GSDME: variants seen among roughly 807,000 people sequenced by gnomAD.
GSDME encodes gasdermin E.
Under a neutral mutation model 47.5 loss-of-function variants are expected in GSDME, and 44 were observed. That is an observed-to-expected ratio of 0.93 (90% CI 0.73 to 1.19). The LOEUF (loss-of-function observed/expected upper bound fraction) is 1.19. Among genes scored for constraint, GSDME ranks in the 50% most tolerant of loss-of-function variants. GSDME has a pLI of 0.00. For missense variants in GSDME, 663 were observed against 604.2 expected, an observed-to-expected ratio of 1.10 and a Z score of -1.02; for synonymous variants, 258 against 252.8, an observed-to-expected ratio of 1.02 and a Z score of -0.20.
intron 9 of GSDME, chr7:24,702,478 T>A (rs1010528368): frequency 5.3e-6 from 2 of 377,184 alleles, no homozygotes; most frequent in African/African-American, 4.2e-5. Context: ...GCCAAAATTC[T>A]CTCCAAACAA....
In GSDME at chr7:24,748,362, G is replaced by A. The variant is rs150832619; in HGVS notation, c.211+1202C>T. Among the ~76,000 whole-genome samples the A allele has an allele frequency of 4.8e-3, 721 of 151,682 alleles. 11 individuals are homozygous for A. Among genetic ancestry groups the A allele is most frequent in the African/African-American group, 0.017 (686 of 41,352 alleles). On this transcript the variant is annotated intron_variant, in intron 2 of 9. Coordinates refer to ENST00000645220, the MANE Select transcript of GSDME (RefSeq NM_001127453.2). ...TTTAGTAGAGATGGGGTTTCACCATGTTGGCCAGGCTGGTCTTGAACTCCT... is the reference window on the plus strand; with the variant it reads ...TTTAGTAGAGATGGGGTTTCACCATATTGGCCAGGCTGGTCTTGAACTCCT...
intron 3 of GSDME, among the ~76,000 whole-genome samples, chr7:24,729,948 C>G (rs1790090963): frequency 6.6e-6 from 1 of 152,194 alleles, no homozygotes. Context: ...CCCAGAGAAA[C>G]TGTCATGAGA....
chr7:24,729,483 G>A (rs534861944), intron 3 of GSDME, among the ~76,000 whole-genome samples: 33 of 152,348 alleles, frequency 2.2e-4, no homozygotes, highest in African/African-American at 5.8e-4. Context: ...GGCAACTTCC[G>A]ACACACTTGA....
chr7:24,748,160 A>AT (rs1173867790), intron 2 of GSDME, among the ~76,000 whole-genome samples: 90 of 96,978 alleles, frequency 9.3e-4, no homozygotes, highest in African/African-American at 4.7e-3. Flanking sequence ...ATATATATAT[A>AT]TATATATATT....
chr7:24,738,063 G>T (rs756301866), intron 3 of GSDME, among the ~76,000 whole-genome samples: 4 of 152,112 alleles, frequency 2.6e-5, no homozygotes, highest in Non-Finnish European at 4.4e-5. Context: ...CTAGGATCTG[G>T]AACACAACAA....
At chr7:24,767,184 C>T in the GSDME span, among the ~76,000 whole-genome samples, 1 of 152,020 alleles carries the variant, frequency 6.6e-6, no homozygotes, top group African/African-American at 2.4e-5. This position sits in a 1 kb window ranked among gnomAD's most constrained non-coding sequence, Gnocchi z 5.3. Context: ...ATTAGCCAGG[C>T]GTGGTGGTGG....
chr7:24,754,269 C>T lies in GSDME; in HGVS notation c.-20+3127G>A, dbSNP rs1469463837. 6.6e-6 allele frequency among the ~76,000 whole-genome samples: 1 copy of T among 152,122 alleles called. No homozygotes were observed. The highest frequency in any genetic ancestry group is 2.4e-5 in the African/African-American group (1 of 41,428). The stretch of plus-strand genomic sequence containing the variant: ...TGGGAGGCCGAGGTGGGGCGGATCA[C>T]CTAGGTCAGGAGTTTGAAACCAGCC... On this transcript the variant is annotated intron_variant, in intron 1 of 9. Transcript: ENST00000645220. The surrounding 1 kb of genome is among the most constrained non-coding windows in gnomAD (Gnocchi z 5.0).
intron 8 of GSDME, 142 bp downstream of exon 8, chr7:24,706,042 T>TAC: frequency 1.9e-6 from 2 of 1,070,044 alleles, no homozygotes; most frequent in East Asian, 5.2e-5. Context: ...TCCCACCTCT[T>TAC]ACCCTCCCTG....
the GSDME span, among the ~76,000 whole-genome samples, chr7:24,794,155 CTT>C: frequency 1.3e-5 from 2 of 150,450 alleles, no homozygotes; most frequent in African/African-American, 4.9e-5. Flanking sequence ...CTCTTTCTCT[CTT>C]TGACTTCCTT....
chr7:24,729,892 G>A (rs1790088927), intron 3 of GSDME, among the ~76,000 whole-genome samples: 1 of 152,238 alleles, frequency 6.6e-6, no homozygotes, highest in South Asian at 2.1e-4. Flanking sequence ...TGGAAGGGGA[G>A]AGACGAGAAC....
In GSDME at chr7:24,743,088, G is replaced by A. The variant is rs17150044; in HGVS notation, c.404+1474C>T. On this transcript the variant is annotated intron_variant, in intron 3 of 9. Coordinates refer to ENST00000645220, the MANE Select transcript of GSDME (RefSeq NM_001127453.2). ...CGTAGGCAGTAAACGCACAGCCATG[G>A]TCCTTCAGTTCCAGTAAGCATGGGC... Among the ~76,000 whole-genome samples, 147 of 152,308 alleles carry A rather than the reference G, an allele frequency of 9.7e-4. 2 individuals carry two copies. In the East Asian group the frequency reaches 0.027, roughly 28 times the overall value.
chr7:24,708,327 T>C, intron 6 of GSDME, 73 bp from the exon 7 acceptor site: 2 of 1,555,264 alleles, frequency 1.3e-6, no homozygotes, highest in Non-Finnish European at 1.8e-6. Context: ...CAACTCCTGC[T>C]TTTTATACCT....
chr7:24,728,384 ATG>A lies in GSDME; in HGVS notation c.405-9168_405-9167del, dbSNP rs1790039523. Among the ~76,000 whole-genome samples, 1 of 152,204 alleles carries A rather than the reference ATG, an allele frequency of 6.6e-6. No homozygotes were observed. The highest frequency in any genetic ancestry group is 1.5e-5 in the Non-Finnish European group (1 of 68,036). On this transcript the variant is annotated intron_variant, in intron 3 of 9. Transcript: ENST00000645220. The surrounding 1 kb of genome is among the most constrained non-coding windows in gnomAD (Gnocchi z 7.2). Reference sequence around the variant, plus strand: ...CGCACCCTCTTCGAGATGTTTTCTTATGTGAGATAATAACAAATGTTCTTTGC... The same window carrying A: ...CGCACCCTCTTCGAGATGTTTTCTTATGAGATAATAACAAATGTTCTTTGC...
the GSDME span, among the ~76,000 whole-genome samples, chr7:24,765,436 C>T: frequency 1.1e-4 from 17 of 152,286 alleles, 2 homozygotes; most frequent in South Asian, 3.1e-3. Context: ...AAGGTTGCTC[C>T]GGGTATAGTG....
At chr7:24,703,514 C>G (rs542713924) in intron 8 of GSDME, 4 of 157,286 alleles carry the variant, frequency 2.5e-5, no homozygotes, top group African/African-American at 9.6e-5. Flanking sequence ...AACACAGATA[C>G]AGTTCTTAAA....
In GSDME at chr7:24,728,882, C is replaced by T. The variant is rs1346329895; in HGVS notation, c.405-9664G>A. ...GAGATAAGCCCTGCTCTTTCTCTCT[C>T]TGTCACTTGGCTGTAATGTAGATGA... On this transcript the variant is annotated intron_variant, in intron 3 of 9. Coordinates refer to ENST00000645220, the MANE Select transcript of GSDME (RefSeq NM_001127453.2). The surrounding 1 kb of genome is among the most constrained non-coding windows in gnomAD (Gnocchi z 7.2). Among the ~76,000 whole-genome samples, 5 of 152,364 alleles carry T rather than the reference C, an allele frequency of 3.3e-5. No homozygotes were observed. The East Asian group carries it at 9.6e-4, about 29-fold the overall frequency.
intron 1 of GSDME, 41 bp from the exon 2 acceptor site, chr7:24,749,834 C>T (rs1301339274): frequency 7.1e-7 from 1 of 1,401,860 alleles, no homozygotes; most frequent in Non-Finnish European, 1.0e-6. Context: ...TAAGAAGTTA[C>T]TATTTTGTGG....
the GSDME span, among the ~76,000 whole-genome samples, chr7:24,790,465 T>A: frequency 9.9e-5 from 15 of 152,184 alleles, no homozygotes; most frequent in African/African-American, 1.4e-4. This position sits in a 1 kb window ranked among gnomAD's most constrained non-coding sequence, Gnocchi z 4.1. Context: ...CCTGTTTTTA[T>A]GGGCAGTAGG....
the GSDME span, among the ~76,000 whole-genome samples, chr7:24,773,759 A>G: frequency 6.6e-6 from 1 of 152,208 alleles, no homozygotes; most frequent in Non-Finnish European, 1.5e-5. This position sits in a 1 kb window ranked among gnomAD's most constrained non-coding sequence, Gnocchi z 5.4. Context: ...AATTCTCTCT[A>G]GAATCTGGTG....
Sources: gnomAD v4.1 joint callset for allele counts (sites outside exome capture counted in the v4.1 genomes callset) on GRCh38, gnomAD v4.1.1 for gene constraint, Gnocchi (gnomAD v3.1) non-coding constraint, MANE v1.5 for transcripts, NCBI Gene and HGNC (gene_info 2026-07-23, HGNC 2026-07-21) for gene names.